AKAP6: variants seen among roughly 807,000 people sequenced by gnomAD.
AKAP6 encodes A-kinase anchor protein 6.
Under a neutral mutation model 188.5 loss-of-function variants are expected in AKAP6, and 58 were observed. The observed-to-expected ratio is 0.31, with a 90% CI of 0.25 to 0.38. AKAP6 has a LOEUF of 0.38. Among genes scored for constraint, AKAP6 ranks in the 10% least tolerant of loss-of-function variants. The pLI is 1.00. For missense variants in AKAP6, 2,710 were observed against 2,740.0 expected, an observed-to-expected ratio of 0.99 and a Z score of 0.24; for synonymous variants, 989 against 998.6, an observed-to-expected ratio of 0.99 and a Z score of 0.18.
At chr14:32,526,585 G>A (rs1436401430) in intron 2 of AKAP6, among the ~76,000 whole-genome samples, 1 of 152,174 alleles carries the variant, frequency 6.6e-6, no homozygotes, top group East Asian at 1.9e-4. Context: ...TTGCCACATT[G>A]CCCAGGGTGG....
intron 1 of AKAP6, among the ~76,000 whole-genome samples, chr14:32,353,211 C>T (rs1450270934): frequency 2.0e-5 from 3 of 152,136 alleles, no homozygotes; most frequent in African/African-American, 7.2e-5. Context: ...CAAATTGGTA[C>T]ACCCTTCTTT....
intron 7 of AKAP6, among the ~76,000 whole-genome samples, chr14:32,629,521 G>A (rs35119197): frequency 6.8e-6 from 1 of 148,104 alleles, no homozygotes; most frequent in Non-Finnish European, 1.5e-5. Flanking sequence ...AGAGCCTGTA[G>A]AACTGGGCGC....
At chr14:32,721,047 T>C (rs1326739270) in intron 9 of AKAP6, among the ~76,000 whole-genome samples, 1 of 152,216 alleles carries the variant, frequency 6.6e-6, no homozygotes, top group Non-Finnish European at 1.5e-5. Context: ...CCTTCCTACA[T>C]TGCATACTCT....
chr14:32,599,818 A>G (rs1885850174), intron 6 of AKAP6, among the ~76,000 whole-genome samples: 1 of 152,182 alleles, frequency 6.6e-6, no homozygotes, highest in Non-Finnish European at 1.5e-5. Context: ...TGGAAATAAC[A>G]TTAAGACAAT....
chr14:32,816,474 G>A lies in AKAP6; in HGVS notation c.3589-4928G>A, dbSNP rs536074409. On this transcript the variant is annotated intron_variant, in intron 12 of 13. Coordinates refer to ENST00000280979, the MANE Select transcript of AKAP6 (RefSeq NM_004274.5). The stretch of plus-strand genomic sequence containing the variant: ...GCCTCTCAAAGTGCTGGAATTACAA[G>A]CACGAGCCACTGTACCTGTCCTGCT... Among the ~76,000 whole-genome samples the A allele has an allele frequency of 2.0e-5, 3 of 152,258 alleles. No homozygotes were observed. In the South Asian group the frequency reaches 6.2e-4, roughly 32 times the overall value.
chr14:32,588,072 A>G (rs1336859994), intron 5 of AKAP6, among the ~76,000 whole-genome samples: 3 of 152,252 alleles, frequency 2.0e-5, no homozygotes, highest in Admixed American at 2.0e-4. Context: ...GTTAAACAGC[A>G]TAAAATTAAA....
intron 1 of AKAP6, among the ~76,000 whole-genome samples, chr14:32,398,131 G>A (rs1383393882): frequency 1.3e-5 from 2 of 152,328 alleles, no homozygotes; most frequent in African/African-American, 4.8e-5. Context: ...TATGTAGTTT[G>A]CATTCAGACA....
intron 8 of AKAP6, among the ~76,000 whole-genome samples, chr14:32,683,089 G>T (rs1476044212): frequency 2.0e-5 from 3 of 151,376 alleles, no homozygotes; most frequent in Non-Finnish European, 4.4e-5. Flanking sequence ...CGCCTCTTGG[G>T]TTCAAGCGAT....
chr14:32,704,884 C>A (rs915340005), intron 9 of AKAP6, among the ~76,000 whole-genome samples: 1 of 152,050 alleles, frequency 6.6e-6, no homozygotes, highest in East Asian at 1.9e-4. Context: ...CTTTTATCAT[C>A]GTTCTAGTTT....
At chr14:32,547,112 T>A in intron 4 of AKAP6, 113 bp downstream of exon 4, 1 of 1,045,074 alleles carries the variant, frequency 9.6e-7, no homozygotes, top group Non-Finnish European at 1.4e-6. Context: ...TTTTGATAAA[T>A]CTGATTCTCC....
chr14:32,823,138 C>G lies in AKAP6; in HGVS notation c.5325C>G (p.Asp1775Glu). 2 of 1,613,674 alleles carry G rather than the reference C, an allele frequency of 1.2e-6. No individual in the cohort carries two copies. The highest frequency in any genetic ancestry group is 1.7e-6 in the Non-Finnish European group (2 of 1,179,860). The change falls in exon 13 of 14, where the codon GAC (aspartate) becomes GAG (glutamate). Residue 1775 changes from aspartate to glutamate, a missense_variant. Asp to Glu is a conservative substitution (Grantham distance 45). This residue lies in a region of AKAP6 where 2,473 missense variants were observed against 2,426.1 expected (regional missense o/e 1.02). Coordinates refer to ENST00000280979, the MANE Select transcript of AKAP6 (RefSeq NM_004274.5). ...EEELCIKDED[D>E]DSSIATDDEI... is the part of the protein sequence containing the mutation. ...AGCTGTGCATCAAAGATGAGGATGA[C>G]GACTCCAGTATTGCAACAGATGATG...
intron 2 of AKAP6, among the ~76,000 whole-genome samples, chr14:32,446,192 T>C (rs1159226296): frequency 6.6e-6 from 1 of 152,238 alleles, no homozygotes; most frequent in East Asian, 1.9e-4. Flanking sequence ...GTAGGATTTG[T>C]ATAAGTGGGT....
At chr14:32,566,049 C>T (rs530590482) in intron 4 of AKAP6, among the ~76,000 whole-genome samples, 7 of 152,282 alleles carry the variant, frequency 4.6e-5, no homozygotes, top group South Asian at 2.1e-4. Context: ...AGTATGGTCT[C>T]GGCACCTGTA....
Position 32,545,845 on chromosome 14 carries a change from G to A in AKAP6, c.1192G>A (p.Glu398Lys). ...GCCAAAAAGAGGACTTTTTCTTAAA[G>A]AGGAAACTTTTAAGAATGATCTGAA... ...TLPKRGLFLK[E>K]ETFKNDLKGN... is the part of the protein sequence containing the mutation. The change falls in exon 4 of 14, where the codon GAG becomes AAG. Residue 398 changes from glutamate (E) to lysine (K), a missense_variant. Physicochemically the swap from Glu to Lys is moderately conservative, Grantham distance 56. This residue lies in a region of AKAP6 where 2,473 missense variants were observed against 2,426.1 expected (regional missense o/e 1.02). Transcript: ENST00000280979. The A allele has an allele frequency of 6.2e-7, 1 of 1,614,204 alleles. No individual in the cohort carries two copies. Among genetic ancestry groups the A allele is most frequent in the Non-Finnish European group, 8.5e-7 (1 of 1,180,024 alleles).
chr14:32,741,891 A>G (rs186361113), intron 11 of AKAP6, among the ~76,000 whole-genome samples: 26 of 140,194 alleles, frequency 1.9e-4, no homozygotes, highest in African/African-American at 6.4e-4. Flanking sequence ...CTGGTCTCAT[A>G]GAATGAGTTT....
chr14:32,360,380 G>A (rs1039858319), intron 1 of AKAP6, among the ~76,000 whole-genome samples: 1 of 152,086 alleles, frequency 6.6e-6, no homozygotes, highest in Non-Finnish European at 1.5e-5. Context: ...GTCCGCCTTG[G>A]CCTCTCAAAG....
At chr14:32,442,582 C>A (rs1287089382) in intron 2 of AKAP6, 1 of 151,368 alleles carries the variant, frequency 6.6e-6, no homozygotes, top group African/African-American at 2.4e-5. Flanking sequence ...GTAGTGGGAT[C>A]ACGCCTGTGA....
chr14:32,807,325 CAAAA>C (rs10707499), intron 12 of AKAP6, among the ~76,000 whole-genome samples: 1 of 105,242 alleles, frequency 9.5e-6, no homozygotes. Context: ...GACCATGTCT[CAAAA>C]AAAAAAAAAA....
chr14:32,671,662 C>T (rs1889202560), intron 7 of AKAP6, among the ~76,000 whole-genome samples: 1 of 151,876 alleles, frequency 6.6e-6, no homozygotes, highest in South Asian at 2.1e-4. Context: ...AGGGATTAGC[C>T]TTAGAAATAT....
Sources: allele counts gnomAD v4.1 joint callset (sites outside exome capture counted in the v4.1 genomes callset), GRCh38; gene constraint gnomAD v4.1.1; regional missense constraint gnomAD v4.1.1; transcripts MANE v1.5; gene names NCBI Gene and HGNC (gene_info 2026-07-23, HGNC 2026-07-21).